Variants in SGK3 observed in about 807,000 individuals in gnomAD.
SGK3 encodes the protein serum/glucocorticoid regulated kinase family member 3.
SGK3 carries 47 observed loss-of-function variants against 68.5 expected under a neutral mutation model. That is an observed-to-expected ratio of 0.69 (90% confidence interval 0.54 to 0.87). The LOEUF is 0.87. Ranked by LOEUF, SGK3 falls within the 40% of genes least tolerant of loss-of-function variation. The pLI is 0.00. For missense variants in SGK3, 479 were observed against 575.5 expected, an observed-to-expected ratio of 0.83 and a Z score of 1.72; for synonymous variants, 181 against 189.1, an observed-to-expected ratio of 0.96 and a Z score of 0.35.
chr8:66,857,584 C>G (rs1198275407), intron 16 of SGK3, among the ~76,000 whole-genome samples: 1 of 151,834 alleles, frequency 6.6e-6, no homozygotes, highest in Non-Finnish European at 1.5e-5. Flanking sequence ...GAGTTCAAGA[C>G]CAGCCTGGAC....
intron 1 of SGK3, among the ~76,000 whole-genome samples, chr8:66,723,546 C>T (rs1804886923): frequency 6.6e-6 from 1 of 152,084 alleles, no homozygotes; most frequent in Non-Finnish European, 1.5e-5. Context: ...CAGGCTCAAG[C>T]AATCCTCCCA....
chr8:66,818,293 A>C (rs977578174), intron 5 of SGK3, among the ~76,000 whole-genome samples: 1 of 152,368 alleles, frequency 6.6e-6, no homozygotes, highest in African/African-American at 2.4e-5. Context: ...AAAACAAAAC[A>C]GAACAAAACA....
At chr8:66,767,603 G>A (rs1806359781) in intron 1 of SGK3, 2 of 1,368,710 alleles carry the variant, frequency 1.5e-6, no homozygotes, top group Non-Finnish European at 2.1e-6. Flanking sequence ...TGTGCAATCT[G>A]GTGCTCTTCA....
chr8:66,715,361 G>A (rs1020738262), intron 1 of SGK3, among the ~76,000 whole-genome samples: 4 of 151,982 alleles, frequency 2.6e-5, no homozygotes, highest in African/African-American at 7.3e-5. Flanking sequence ...GGGTTCAAGC[G>A]ATTCTCCTGC....
At chr8:66,786,051 A>C (rs978688679) in intron 1 of SGK3, among the ~76,000 whole-genome samples, 3 of 152,164 alleles carry the variant, frequency 2.0e-5, no homozygotes, top group African/African-American at 7.2e-5. Context: ...GTGGGTTTTT[A>C]TGTCAATCCC....
chr8:66,732,407 G>A (rs1287620625), intron 1 of SGK3, among the ~76,000 whole-genome samples: 1 of 151,052 alleles, frequency 6.6e-6, no homozygotes, highest in Non-Finnish European at 1.5e-5. Flanking sequence ...AGAATCACTT[G>A]AACCCAGGAG....
intron 5 of SGK3, among the ~76,000 whole-genome samples, chr8:66,814,660 C>T (rs546299339): frequency 6.6e-6 from 1 of 152,302 alleles, no homozygotes; most frequent in South Asian, 2.1e-4. Flanking sequence ...CATGAGGCCT[C>T]CAGTCTTTCT....
intron 14 of SGK3, among the ~76,000 whole-genome samples, chr8:66,844,006 A>G (rs932416434): frequency 6.7e-6 from 1 of 149,802 alleles, no homozygotes; most frequent in Non-Finnish European, 1.5e-5. Flanking sequence ...AAAAAAAAAA[A>G]AAAAAAAAAA....
intron 1 of SGK3, among the ~76,000 whole-genome samples, chr8:66,762,056 G>A (rs928009410): frequency 2.6e-5 from 4 of 151,892 alleles, no homozygotes; most frequent in Admixed American, 6.6e-5. Flanking sequence ...ACGAAGTCTC[G>A]CTCTTGTCCC....
At chr8:66,731,937 A>AT (rs1172745148) in intron 1 of SGK3, among the ~76,000 whole-genome samples, 4 of 152,044 alleles carry the variant, frequency 2.6e-5, no homozygotes, top group Non-Finnish European at 4.4e-5. Flanking sequence ...GTGCTGGAAT[A>AT]TTTTTTTCAA....
intron 1 of SGK3, chr8:66,767,258 G>T (rs1188860395): frequency 1.2e-5 from 7 of 563,350 alleles, no homozygotes; most frequent in South Asian, 4.6e-5. Flanking sequence ...TATGTCCTTT[G>T]TTCCCTTATT....
At chr8:66,842,382 G>A (rs1311814521) in intron 13 of SGK3, among the ~76,000 whole-genome samples, 1 of 151,838 alleles carries the variant, frequency 6.6e-6, no homozygotes, top group Non-Finnish European at 1.5e-5. Flanking sequence ...CACCACGCCT[G>A]GCTAATTTTT....
chr8:66,818,704 G>A (rs1299295338), intron 5 of SGK3, among the ~76,000 whole-genome samples: 1 of 152,152 alleles, frequency 6.6e-6, no homozygotes, highest in Admixed American at 6.5e-5. Flanking sequence ...TTATTTCCCA[G>A]CAATGTGAGA....
At chr8:66,841,353 G>C (rs1442353084) in intron 13 of SGK3, among the ~76,000 whole-genome samples, 6 of 152,056 alleles carry the variant, frequency 3.9e-5, no homozygotes, top group Non-Finnish European at 2.9e-5. Context: ...TTTGTTTTTA[G>C]TGTTAGAAGT....
chr8:66,821,652 A>G (rs753987834), intron 5 of SGK3, among the ~76,000 whole-genome samples: 47 of 148,292 alleles, frequency 3.2e-4, no homozygotes, highest in African/African-American at 1.1e-3. Context: ...AGCTGGGACT[A>G]CAGGTGTCCG....
intron 1 of SGK3, among the ~76,000 whole-genome samples, chr8:66,785,564 C>A (rs536496266): frequency 9.8e-5 from 15 of 152,294 alleles, no homozygotes; most frequent in African/African-American, 3.4e-4. Flanking sequence ...GCCCGCCACT[C>A]CCCCACCCCA....
At chr8:66,758,598 A>C (rs1465827851) in intron 1 of SGK3, among the ~76,000 whole-genome samples, 2 of 152,168 alleles carry the variant, frequency 1.3e-5, no homozygotes, top group African/African-American at 4.8e-5. Context: ...TTGGAAAAAA[A>C]CAGGGTATTT....
intron 1 of SGK3, among the ~76,000 whole-genome samples, chr8:66,747,315 C>T (rs1286119150): frequency 1.3e-5 from 2 of 152,096 alleles, no homozygotes; most frequent in African/African-American, 4.8e-5. Context: ...GAGCATAGAA[C>T]CATGGTTTTT....
At chr8:66,783,743 C>T (rs1807086367) in intron 1 of SGK3, among the ~76,000 whole-genome samples, 1 of 151,988 alleles carries the variant, frequency 6.6e-6, no homozygotes, top group Non-Finnish European at 1.5e-5. Context: ...CCAGGCTGGT[C>T]TTGAACTCTT....
Sources: gnomAD v4.1 joint callset for allele counts (sites outside exome capture counted in the v4.1 genomes callset) on GRCh38, gnomAD v4.1.1 for gene constraint, MANE v1.5 for transcripts, NCBI Gene and HGNC (gene_info 2026-07-23, HGNC 2026-07-21) for gene names.